The following ANKRD11 variants were observed in gnomAD, a reference collection of about 807,000 sequenced individuals.
ANKRD11 encodes ankyrin repeat domain-containing protein 11.
A neutral mutation model predicts 195.7 loss-of-function variants in ANKRD11; 17 were observed. The observed-to-expected ratio is 0.09, with a 90% confidence interval of 0.06 to 0.13. ANKRD11 has a LOEUF of 0.13. Among genes scored for constraint, ANKRD11 ranks in the 10% least tolerant of loss-of-function variants. ANKRD11 has a pLI of 1.00. For synonymous variants in ANKRD11, 1,953 were observed against 1,528.1 expected (o/e 1.28, Z -6.49); for missense variants, 3,735 against 3,566.1 (o/e 1.05, Z -1.21).
At chr16:89,424,435 C>G (rs1334637370) in intron 1 of ANKRD11, among the ~76,000 whole-genome samples, 1 of 112,066 alleles carries the variant, frequency 8.9e-6, no homozygotes, top group African/African-American at 3.5e-5. Context: ...GAGCAAAACT[C>G]TGTCTCAAAA....
chr16:89,426,564 C>CACAG (rs2042725109), intron 1 of ANKRD11, among the ~76,000 whole-genome samples: 1 of 151,550 alleles, frequency 6.6e-6, no homozygotes, highest in Non-Finnish European at 1.5e-5. Flanking sequence ...CACACACACA[C>CACAG]ACAAATCTGA....
intron 2 of ANKRD11, among the ~76,000 whole-genome samples, chr16:89,394,366 C>G (rs1266662765): frequency 6.6e-6 from 1 of 152,214 alleles, no homozygotes; most frequent in Admixed American, 6.5e-5. Context: ...CAGTGGCTCC[C>G]GCCCGTAATC....
Position 89,284,302 on chromosome 16 carries a change from G to C in ANKRD11, c.2240C>G (p.Ser747Trp). ...DRSNKAEKERSLKEKSPKEEK... is the reference protein window; with the variant it reads ...DRSNKAEKERWLKEKSPKEEK... ...TTCTTTCGGAGACTTTTCCTTCAGC[G>C]ATCTCTCCTTTTCTGCTTTATTCGA... Residue 747 changes from serine to tryptophan, a missense_variant, in exon 9 of 13, where the codon TCG becomes TGG. By Grantham distance (177) the Ser-to-Trp change is radical (BLOSUM62 -3). Transcript: ENST00000301030. The C allele has an allele frequency of 1.2e-6, 2 of 1,613,460 alleles. No homozygotes were observed. Among genetic ancestry groups the C allele is most frequent in the Non-Finnish European group, 8.5e-7 (1 of 1,179,960 alleles).
chr16:89,403,055 G>A (rs938853663), intron 2 of ANKRD11, among the ~76,000 whole-genome samples: 2 of 152,180 alleles, frequency 1.3e-5, no homozygotes, highest in African/African-American at 2.4e-5. Context: ...GCTCAACTGC[G>A]TGGTGGCGGG....
At chr16:89,398,222 C>T (rs1315731323) in intron 2 of ANKRD11, among the ~76,000 whole-genome samples, 1 of 151,796 alleles carries the variant, frequency 6.6e-6, no homozygotes, top group Non-Finnish European at 1.5e-5. Flanking sequence ...TACCTGTGAC[C>T]TCAGCACTCT....
At chr16:89,289,007 G>T (rs925715582) in intron 6 of ANKRD11, 1 of 405,632 alleles carries the variant, frequency 2.5e-6, no homozygotes, top group Admixed American at 3.9e-5. Context: ...ATCTGGAGGC[G>T]TATGTGCCTT....
chr16:89,472,312 G>A (rs188991558), intron 1 of ANKRD11, among the ~76,000 whole-genome samples: 1 of 151,586 alleles, frequency 6.6e-6, no homozygotes, highest in African/African-American at 2.4e-5. Context: ...GTGTGGATCT[G>A]TAGGGACGGT....
chr16:89,477,875 T>C (rs921514367), intron 1 of ANKRD11, among the ~76,000 whole-genome samples: 8 of 152,104 alleles, frequency 5.3e-5, no homozygotes, highest in Admixed American at 2.0e-4. Context: ...GGAGAACTGC[T>C]TGAACGCAGG....
At chr16:89,288,014 C>G in intron 7 of ANKRD11, 1 of 513,724 alleles carries the variant, frequency 1.9e-6, no homozygotes, top group Non-Finnish European at 3.4e-6. Context: ...GTCAGGCACA[C>G]CACGACCTCT....
intron 2 of ANKRD11, among the ~76,000 whole-genome samples, chr16:89,400,031 CCGG>C (rs1567752012): frequency 0.21 from 17,999 of 87,282 alleles, 4,702 homozygotes; most frequent in Middle Eastern, 0.28. Flanking sequence ...GCGCTGGAGG[CCGG>C]TCATCTGCTG....
chr16:89,281,426 G>A lies in ANKRD11; in HGVS notation c.5116C>T (p.Pro1706Ser), dbSNP rs763092437. Residue 1706 changes from proline (P) to serine (S), a missense_variant, in exon 9 of 13, where the codon CCT becomes TCT. Transcript: ENST00000301030. The surrounding 1 kb of genome is among the most constrained non-coding windows in gnomAD (Gnocchi z 5.5). ...CTGGGGCAGGATAGCACCGACGTAG[G>A]GGTGGGCACGCCAGTGGGCCGGCTC... ...DQSRPTGVPT[P>S]TSVLSCPSYE... The A allele has an allele frequency of 3.1e-6, 5 of 1,612,658 alleles. No homozygotes were observed. The highest frequency in any genetic ancestry group is 1.7e-5 in the Admixed American group (1 of 59,900).
rs1207962086 is a variant in ANKRD11 at position 89,284,492 on chromosome 16, G to C, written c.2050C>G (p.Leu684Val). ...LENDLSTENK[L>V]KVLKHDRDHF... ...TCGCGATCGTGCTTTAACACTTTTA[G>C]CTTGTTTTCAGTGGAAAGATCATTC... Residue 684 changes from leucine (L) to valine (V), a missense_variant, in exon 9 of 13, where the codon CTA becomes GTA. Transcript: ENST00000301030. The C allele has an allele frequency of 6.2e-7, 1 of 1,613,916 alleles. No individual in the cohort carries two copies. The highest frequency in any genetic ancestry group is 2.2e-5 in the East Asian group (1 of 44,876).
chr16:89,322,891 T>A (rs1367868492), intron 2 of ANKRD11, among the ~76,000 whole-genome samples: 1 of 152,232 alleles, frequency 6.6e-6, no homozygotes, highest in African/African-American at 2.4e-5. Context: ...TTGCCCAGGC[T>A]GGAGTGCAGC....
At chr16:89,327,447 G>T (rs140061029) in intron 2 of ANKRD11, among the ~76,000 whole-genome samples, 1 of 152,284 alleles carries the variant, frequency 6.6e-6, no homozygotes, top group Non-Finnish European at 1.5e-5. Context: ...TCTGAAGATG[G>T]TGTAAGTGTC....
intron 1 of ANKRD11, among the ~76,000 whole-genome samples, chr16:89,464,816 ACT>A (rs1044371979): frequency 6.6e-6 from 1 of 152,124 alleles, no homozygotes; most frequent in Non-Finnish European, 1.5e-5. Context: ...CAGAGATCAA[ACT>A]CTACAGAAAG....
intron 2 of ANKRD11, 139 bp from the exon 3 acceptor site, chr16:89,317,217 C>A: frequency 1.5e-6 from 1 of 688,086 alleles, no homozygotes; most frequent in Non-Finnish European, 2.6e-6. Context: ...GGGCCAGGCC[C>A]AGGAAGGGAC....
chr16:89,441,597 C>T (rs2043481913), intron 1 of ANKRD11, among the ~76,000 whole-genome samples: 1 of 151,836 alleles, frequency 6.6e-6, no homozygotes, highest in African/African-American at 2.4e-5. Context: ...AAAACCCCAC[C>T]TCTACTAAAA....
Position 89,467,198 on chromosome 16 carries a change from ACAG to A in ANKRD11, c.-145+23044_-145+23046del, listed in dbSNP as rs151009452. On this transcript the variant is annotated intron_variant, in intron 1 of 12. Transcript: ENST00000301030. ...TATAATCCCAGAACCTGGGGAGGCC[ACAG>A]CAGGTGGATCGCTTGAGCCCAGGAG... 2.1e-3 allele frequency among the ~76,000 whole-genome samples: 318 copies of A among 152,240 alleles called. 2 individuals are homozygous for A. The highest frequency in any genetic ancestry group is 7.4e-3 in the African/African-American group (306 of 41,536).
At chr16:89,369,440 C>T (rs955795413) in intron 2 of ANKRD11, among the ~76,000 whole-genome samples, 9 of 152,188 alleles carry the variant, frequency 5.9e-5, no homozygotes, top group Admixed American at 5.2e-4. Context: ...TGCGCCTCCA[C>T]GGCACCAAGC....
Sources: allele counts gnomAD v4.1 joint callset (sites outside exome capture counted in the v4.1 genomes callset), GRCh38; gene constraint gnomAD v4.1.1; non-coding constraint Gnocchi (gnomAD v3.1); transcripts MANE v1.5; gene names NCBI Gene and HGNC (gene_info 2026-07-23, HGNC 2026-07-21).